The following SDCCAG8 variants were observed in gnomAD, a reference collection of about 807,000 sequenced individuals.
SDCCAG8 encodes the protein SHH signaling and ciliogenesis regulator SDCCAG8, also known as serologically defined colon cancer antigen 8.
A neutral mutation model predicts 101.8 loss-of-function variants in SDCCAG8; 74 were observed. The observed-to-expected ratio is 0.73, with a 90% CI of 0.60 to 0.88. The LOEUF (loss-of-function observed/expected upper bound fraction) is 0.88, where lower values mean the gene tolerates loss of function less well. Ranked by LOEUF, SDCCAG8 falls within the 40% of genes least tolerant of loss-of-function variation. The pLI, the probability that SDCCAG8 is intolerant of heterozygous loss-of-function variation, is 0.00. For missense variants in SDCCAG8, 787 were observed against 822.6 expected (o/e 0.96, Z 0.53); for synonymous variants, 281 against 292.9 (o/e 0.96, Z 0.41).
chr1:243,485,054 A>AAAAG (rs112460513), intron 16 of SDCCAG8, among the ~76,000 whole-genome samples: 34,753 of 149,396 alleles, frequency 0.23, 4,314 homozygotes, highest in East Asian at 0.37. Flanking sequence ...AAAAAAAAAA[A>AAAAG]AAGAAGAAGA....
chr1:243,372,473 A>G (rs2077348328), intron 12 of SDCCAG8, among the ~76,000 whole-genome samples: 1 of 152,082 alleles, frequency 6.6e-6, no homozygotes, highest in African/African-American at 2.4e-5. Flanking sequence ...TTTTGAATTA[A>G]GATGTTATAT....
intron 14 of SDCCAG8, among the ~76,000 whole-genome samples, chr1:243,417,016 T>A (rs544015472): frequency 1.3e-5 from 2 of 152,336 alleles, no homozygotes; most frequent in Non-Finnish European, 2.9e-5. Flanking sequence ...TAAGAAATTA[T>A]TTCTTATCCT....
chr1:243,466,893 G>A (rs1051430482), intron 16 of SDCCAG8, among the ~76,000 whole-genome samples: 13 of 152,202 alleles, frequency 8.5e-5, no homozygotes, highest in Non-Finnish European at 1.6e-4. Context: ...TTAATGAGAG[G>A]CAGATAATTG....
chr1:243,344,157 G>A (rs1268379810), intron 11 of SDCCAG8, 58 bp from the exon 12 acceptor site: 2 of 1,367,732 alleles, frequency 1.5e-6, no homozygotes, highest in African/African-American at 2.9e-5. Flanking sequence ...AGATCTAATT[G>A]CAGGCATTGC....
rs1658251873 is a variant in SDCCAG8, at chr1:243,458,319, G to A, written c.1986-30695G>A. ...CCACAGTTTGACAGCACCGAATGTT[G>A]TGTTAAGCTTCTTGCTACCATGTAA... On this transcript the variant is annotated intron_variant, in intron 16 of 17. Coordinates refer to ENST00000366541, the MANE Select transcript of SDCCAG8 (RefSeq NM_006642.5). This position sits in a 1 kb window ranked among gnomAD's most constrained non-coding sequence, Gnocchi z 4.5. 6.6e-6 allele frequency among the ~76,000 whole-genome samples: 1 copy of A among 152,012 alleles called. No homozygotes were observed. The highest frequency in any genetic ancestry group is 1.5e-5 in the Non-Finnish European group (1 of 68,010).
intron 1 of SDCCAG8, among the ~76,000 whole-genome samples, chr1:243,266,870 G>T (rs1191146285): frequency 6.7e-6 from 1 of 148,914 alleles, no homozygotes; most frequent in Non-Finnish European, 1.5e-5. Flanking sequence ...CTGAACCCTG[G>T]AGGCAGAGCC....
At chr1:243,295,426 C>T (rs1017217790) in intron 6 of SDCCAG8, among the ~76,000 whole-genome samples, 4 of 151,960 alleles carry the variant, frequency 2.6e-5, no homozygotes, top group Non-Finnish European at 5.9e-5. Flanking sequence ...TTAGTAGAGA[C>T]GGGGTTTCAC....
intron 13 of SDCCAG8, among the ~76,000 whole-genome samples, chr1:243,399,486 G>C (rs1347665169): frequency 6.6e-6 from 1 of 152,020 alleles, no homozygotes; most frequent in Non-Finnish European, 1.5e-5. Context: ...TCACTTCTTA[G>C]AACTTTTTTT....
intron 12 of SDCCAG8, among the ~76,000 whole-genome samples, chr1:243,375,037 C>T (rs901317614): frequency 2.6e-5 from 4 of 152,038 alleles, no homozygotes; most frequent in African/African-American, 4.8e-5. Context: ...TAATGCTTGT[C>T]TCAGCAGTGA....
intron 4 of SDCCAG8, among the ~76,000 whole-genome samples, chr1:243,283,245 C>T (rs1442198027): frequency 6.6e-6 from 1 of 151,906 alleles, no homozygotes; most frequent in Non-Finnish European, 1.5e-5. Context: ...TGATATTCCT[C>T]AGTGTATTTT....
rs148382740 is a variant in SDCCAG8, at chr1:243,478,956, C to CAAAAAAAAAAAAAAAA, written c.1986-10052_1986-10037dup. Reference sequence around the variant, plus strand: ...CTGGCCACAGAGTGAGACTCTGTCTCAAAAAAAAAAAAAAAAAAAAAGAAA... The same window carrying CAAAAAAAAAAAAAAAA: ...CTGGCCACAGAGTGAGACTCTGTCTCAAAAAAAAAAAAAAAAAAAAAAAAAAAAAAAAAAAAAGAAA... On this transcript the variant is annotated intron_variant, in intron 16 of 17. Coordinates refer to ENST00000366541, the MANE Select transcript of SDCCAG8 (RefSeq NM_006642.5). Among the ~76,000 whole-genome samples the CAAAAAAAAAAAAAAAA allele has an allele frequency of 4.0e-4, 38 of 94,692 alleles. 2 individuals carry two copies. Among genetic ancestry groups the CAAAAAAAAAAAAAAAA allele is most frequent in the African/African-American group, 1.6e-3 (36 of 23,020 alleles). The allele number at this position is 94,692 out of a possible 152,430, so 62.1% of individuals were successfully genotyped here. A position where few individuals can be genotyped will look rare whatever the true frequency, so the allele number is the denominator to read the frequency against.
chr1:243,296,595 T>C (rs1286953605), intron 6 of SDCCAG8, among the ~76,000 whole-genome samples: 2 of 117,414 alleles, frequency 1.7e-5, no homozygotes, highest in African/African-American at 6.6e-5. Context: ...CAGGCGGGAG[T>C]GCTGTGGCGC....
chr1:243,439,663 C>CACACAT (rs1248671459), intron 16 of SDCCAG8, among the ~76,000 whole-genome samples: 1 of 151,386 alleles, frequency 6.6e-6, no homozygotes, highest in African/African-American at 2.4e-5. Context: ...CACACACACA[C>CACACAT]ACATCATTGG....
At chr1:243,430,034 A>T (rs1033395747) in intron 16 of SDCCAG8, among the ~76,000 whole-genome samples, 2 of 151,890 alleles carry the variant, frequency 1.3e-5, no homozygotes, top group African/African-American at 4.8e-5. Flanking sequence ...AGGTCTTGCT[A>T]TGTTGTCCAG....
intron 16 of SDCCAG8, among the ~76,000 whole-genome samples, chr1:243,486,344 G>GA (rs1395181948): frequency 1.3e-5 from 2 of 152,072 alleles, no homozygotes; most frequent in African/African-American, 2.4e-5. Flanking sequence ...CCTTCTTAGG[G>GA]ATCTCACTTC....
chr1:243,323,646 G>A (rs1251576856), intron 9 of SDCCAG8, among the ~76,000 whole-genome samples: 4 of 152,160 alleles, frequency 2.6e-5, no homozygotes, highest in Admixed American at 2.6e-4. Flanking sequence ...TCTCACAACA[G>A]TTGTCCACCC....
intron 12 of SDCCAG8, among the ~76,000 whole-genome samples, chr1:243,366,175 TTA>T (rs1265635043): frequency 4.6e-5 from 7 of 152,080 alleles, no homozygotes; most frequent in Non-Finnish European, 5.9e-5. Flanking sequence ...GCAAAATCAG[TTA>T]TAACTTTATG....
intron 12 of SDCCAG8, among the ~76,000 whole-genome samples, chr1:243,368,259 G>A (rs905111115): frequency 6.6e-6 from 1 of 151,190 alleles, no homozygotes; most frequent in Non-Finnish European, 1.5e-5. Flanking sequence ...GGGCCAAACT[G>A]TTACTTTTTT....
intron 13 of SDCCAG8, among the ~76,000 whole-genome samples, chr1:243,399,410 G>A (rs931407471): frequency 2.6e-5 from 4 of 152,136 alleles, no homozygotes; most frequent in Non-Finnish European, 5.9e-5. Flanking sequence ...TTTGGCACAC[G>A]GTTACTGGTT....
Sources: gnomAD v4.1 joint callset for allele counts (sites outside exome capture counted in the v4.1 genomes callset) on GRCh38, gnomAD v4.1.1 for gene constraint, Gnocchi (gnomAD v3.1) non-coding constraint, MANE v1.5 for transcripts, NCBI Gene and HGNC (gene_info 2026-07-23, HGNC 2026-07-21) for gene names.